The following NPHP4 variants were observed in gnomAD, a reference collection of about 807,000 sequenced individuals.
The protein encoded by NPHP4 is nephrocystin-4.
A neutral mutation model predicts 155.8 loss-of-function variants in NPHP4; 151 were observed. The ratio of observed to expected loss-of-function variants is 0.97; its 90% CI spans 0.85 to 1.11. The LOEUF is 1.11. Among genes scored for constraint, NPHP4 ranks in the 50% least tolerant of loss-of-function variants. The pLI is 0.00. For missense variants in NPHP4, 1,956 were observed against 1,925.7 expected, an observed-to-expected ratio of 1.02 and a Z score of -0.29; for synonymous variants, 845 against 816.8, an observed-to-expected ratio of 1.03 and a Z score of -0.59.
intron 25 of NPHP4, 38 bp downstream of exon 25, chr1:5,866,992 G>A: frequency 6.5e-7 from 1 of 1,530,462 alleles, no homozygotes; most frequent in Non-Finnish European, 9.0e-7. Context: ...GACTCACTGG[G>A]AAGGATCTGC....
At chr1:5,926,466 T>C (rs1203737239) in intron 11 of NPHP4, among the ~76,000 whole-genome samples, 3 of 151,764 alleles carry the variant, frequency 2.0e-5, no homozygotes, top group East Asian at 1.9e-4. Flanking sequence ...GCTGAAAATA[T>C]TTTTTTTTAA....
chr1:5,949,339 T>TACACACACACACACACACAC (rs1411189925), intron 7 of NPHP4, among the ~76,000 whole-genome samples: 2 of 16,756 alleles, frequency 1.2e-4, no homozygotes, highest in Non-Finnish European at 2.4e-4. Flanking sequence ...CTCATTCACA[T>TACACACACACACACACACAC]ACATACACAC....
At chr1:5,886,032 T>A (rs1329712706) in intron 18 of NPHP4, among the ~76,000 whole-genome samples, 1 of 152,176 alleles carries the variant, frequency 6.6e-6, no homozygotes, top group African/African-American at 2.4e-5. Flanking sequence ...GGAGATAACA[T>A]ATAATGGAGG....
intron 1 of NPHP4, among the ~76,000 whole-genome samples, chr1:5,990,858 G>C (rs1261971441): frequency 6.6e-6 from 1 of 152,156 alleles, no homozygotes; most frequent in Non-Finnish European, 1.5e-5. Flanking sequence ...TCCAAAATGA[G>C]AGCTGTGAAA....
chr1:5,867,808 CG>C lies in NPHP4; in HGVS notation c.3403del (p.Arg1135AlafsTer10). The C allele has an allele frequency of 6.2e-7, 1 of 1,613,292 alleles. No homozygotes were observed. Among genetic ancestry groups the C allele is most frequent in the Non-Finnish European group, 8.5e-7 (1 of 1,179,876 alleles). ...LQPHVVDQVF[R>X]FYHPELSFLK... ...GAAGGAGAGCTCCGGGTGATAGAAG[CG>C]GAAGACCTGGTCCACCACGTGGGGC... On this transcript the variant is annotated frameshift_variant, in exon 24 of 30. Transcript: ENST00000378156. LOFTEE classifies it high-confidence loss of function. This position sits in a 1 kb window ranked among gnomAD's most constrained non-coding sequence, Gnocchi z 4.1.
intron 11 of NPHP4, among the ~76,000 whole-genome samples, chr1:5,909,907 A>G (rs1290929429): frequency 3.3e-5 from 5 of 152,118 alleles, no homozygotes; most frequent in African/African-American, 1.2e-4. Context: ...GCCCCGCCTC[A>G]GCCCAGCTGG....
In NPHP4 at chr1:5,969,048, C is replaced by T. The variant is rs184769153; in HGVS notation, c.452+39G>A. ...TCTCAAAAAAAAAAAAAAAGACAGA[C>T]GCTGGAAAACCCCAGGGTTGTAGAA... On this transcript the variant is annotated intron_variant, in intron 4 of 29. Transcript: ENST00000378156. The T allele has an allele frequency of 6.9e-5, 94 of 1,353,378 alleles. 1 individual carries two copies. The highest frequency in any genetic ancestry group is 3.0e-4 in the African/African-American group (20 of 66,912). 83.8% of individuals were successfully genotyped at this position (1,353,378 alleles called of 1,614,324 possible). A position where few individuals can be genotyped will look rare whatever the true frequency, so the allele number is the denominator to read the frequency against.
At chr1:5,976,178 C>T (rs1653532374) in intron 3 of NPHP4, among the ~76,000 whole-genome samples, 1 of 152,162 alleles carries the variant, frequency 6.6e-6, no homozygotes, top group Admixed American at 6.5e-5. Context: ...ACAGGGCCGT[C>T]GCTCCCACCC....
At chr1:5,980,443 G>A (rs72859171) in intron 2 of NPHP4, among the ~76,000 whole-genome samples, 225 of 152,350 alleles carry the variant, frequency 1.5e-3, no homozygotes, top group African/African-American at 4.9e-3. Context: ...GCCTCACGGC[G>A]CGAGGAGAAG....
At chr1:5,971,986 C>T (rs896469910) in intron 3 of NPHP4, among the ~76,000 whole-genome samples, 2 of 152,264 alleles carry the variant, frequency 1.3e-5, no homozygotes, top group Admixed American at 6.5e-5. Context: ...TTCAAAAACA[C>T]GGACACCATT....
chr1:5,870,525 C>T (rs1641888061), intron 23 of NPHP4, among the ~76,000 whole-genome samples: 2 of 152,174 alleles, frequency 1.3e-5, no homozygotes, highest in South Asian at 2.1e-4. Context: ...CACACTGACA[C>T]CTAGTGCGTC....
At chr1:5,884,312 C>T (rs1045517226) in intron 18 of NPHP4, among the ~76,000 whole-genome samples, 1 of 152,160 alleles carries the variant, frequency 6.6e-6, no homozygotes, top group Non-Finnish European at 1.5e-5. Context: ...CCATCACCAC[C>T]CAGTTCTCCT....
chr1:5,962,470 G>C (rs1650513215), intron 5 of NPHP4, among the ~76,000 whole-genome samples: 1 of 152,184 alleles, frequency 6.6e-6, no homozygotes, highest in Non-Finnish European at 1.5e-5. Context: ...GCCATCAGAG[G>C]GGCCTGGAGG....
rs1000861461 is a variant in NPHP4 at position 5,927,533 on chromosome 1, G to A, written c.1441+116C>T. 62 of 1,151,576 alleles carry A rather than the reference G, an allele frequency of 5.4e-5. 1 individual carries two copies. Among genetic ancestry groups the A allele is most frequent in the East Asian group, 9.6e-5 (4 of 41,506 alleles). The allele number at this position is 1,151,576 out of a possible 1,614,324, so 71.3% of individuals were successfully genotyped here. On this transcript the variant is annotated intron_variant, in intron 11 of 29. Transcript: ENST00000378156. ...AACAGATTCCATTAATGCAATCTACGACGATTATCTTACAAATGTGGTGAT... is the reference window on the plus strand; with the variant it reads ...AACAGATTCCATTAATGCAATCTACAACGATTATCTTACAAATGTGGTGAT...
At chr1:5,981,917 G>A (rs896442441) in intron 2 of NPHP4, among the ~76,000 whole-genome samples, 1 of 152,158 alleles carries the variant, frequency 6.6e-6, no homozygotes, top group Non-Finnish European at 1.5e-5. Context: ...CCTTGACTGG[G>A]TATCAGAATT....
At position 5,961,954 on chromosome 1, in the gene NPHP4, T is replaced by C; in HGVS notation, c.518-5A>G. The stretch of plus-strand genomic sequence containing the variant: ...TGAGGGTCATGTGTCTGTTTTCTGG[T>C]GAAGAAAACACAATGTGATCAACTG... On this transcript the variant is annotated splice_polypyrimidine_tract_variant and splice_region_variant and intron_variant, in intron 5 of 29. Transcript: ENST00000378156. 1 of 1,590,632 alleles carries C rather than the reference T, an allele frequency of 6.3e-7. No individual in the cohort carries two copies. Among genetic ancestry groups the C allele is most frequent in the South Asian group, 1.1e-5 (1 of 90,330 alleles).
At chr1:5,934,104 C>T (rs118117323) in intron 9 of NPHP4, among the ~76,000 whole-genome samples, 24 of 152,292 alleles carry the variant, frequency 1.6e-4, no homozygotes, top group East Asian at 7.7e-4. Flanking sequence ...AGCTAAACCC[C>T]GGTCTTTTTT....
rs373614448 is a variant in NPHP4 at position 5,933,211 on chromosome 1, A to G, written c.1238T>C (p.Ile413Thr). Residue 413 changes from isoleucine (I) to threonine (T), a missense_variant, in exon 10 of 30, where the codon ATC (isoleucine) becomes ACC (threonine). Coordinates refer to ENST00000378156, the MANE Select transcript of NPHP4 (RefSeq NM_015102.5). ...CAGACAGTGCGAGGGGTTGGGCTGG[A>G]TCCCACCCTGCAGAGGCAGGGTCAC... ...GRVTLPLQGG[I>T]QPNPSHCLVY... The G allele has an allele frequency of 7.4e-5, 119 of 1,613,762 alleles. 1 individual carries two copies. The highest frequency in any genetic ancestry group is 9.2e-5 in the Non-Finnish European group (108 of 1,179,836).
In NPHP4 at chr1:5,865,069, A is replaced by G; in HGVS notation, c.3816+33T>C. ...GCCCGTCTCCAGGCTGGGGTTGGGG[A>G]GAGGCTCAGAACAGCCCCCAGAGAG... On this transcript the variant is annotated intron_variant, in intron 27 of 29. Transcript: ENST00000378156. 1.9e-6 allele frequency: 3 copies of G among 1,602,238 alleles called. 1 individual carries two copies. In the South Asian group the frequency reaches 3.3e-5, roughly 18 times the overall value.
Sources: gnomAD v4.1 joint callset for allele counts (sites outside exome capture counted in the v4.1 genomes callset) on GRCh38, gnomAD v4.1.1 for gene constraint, Gnocchi (gnomAD v3.1) non-coding constraint, MANE v1.5 for transcripts, NCBI Gene and HGNC (gene_info 2026-07-23, HGNC 2026-07-21) for gene names.